ADCY2: variants seen among roughly 807,000 people sequenced by gnomAD.
ADCY2 encodes the protein adenylate cyclase 2, also known as adenylate cyclase type 2.
Under a neutral mutation model 125.2 loss-of-function variants are expected in ADCY2, and 31 were observed. That is an observed-to-expected ratio of 0.25 (90% CI 0.19 to 0.33). The LOEUF (loss-of-function observed/expected upper bound fraction) is 0.33, where lower values mean the gene tolerates loss of function less well. Ranked by LOEUF, ADCY2 falls within the 10% of genes least tolerant of loss-of-function variation. The pLI is 1.00. For synonymous variants in ADCY2, 512 were observed against 548.4 expected, an observed-to-expected ratio of 0.93 and a Z score of 0.93; for missense variants, 904 against 1,418.2, an observed-to-expected ratio of 0.64 and a Z score of 5.82.
intron 12 of ADCY2, among the ~76,000 whole-genome samples, chr5:7,723,340 A>G (rs1741824500): frequency 6.6e-6 from 1 of 152,214 alleles, no homozygotes; most frequent in Admixed American, 6.5e-5. Flanking sequence ...CAGTCAGTCT[A>G]GAATACATTA....
intron 4 of ADCY2, among the ~76,000 whole-genome samples, chr5:7,666,215 C>T (rs1187491117): frequency 6.6e-6 from 1 of 152,002 alleles, no homozygotes; most frequent in East Asian, 1.9e-4. Flanking sequence ...CCTCCGTATA[C>T]CACCGACATG....
intron 2 of ADCY2, among the ~76,000 whole-genome samples, chr5:7,446,976 C>A (rs1741285797): frequency 6.6e-6 from 1 of 152,086 alleles, no homozygotes; most frequent in Non-Finnish European, 1.5e-5. Flanking sequence ...AGACCCTGCC[C>A]TCTCATGTTA....
At chr5:7,792,072 A>G (rs1744264899) in intron 20 of ADCY2, among the ~76,000 whole-genome samples, 1 of 152,018 alleles carries the variant, frequency 6.6e-6, no homozygotes, top group Non-Finnish European at 1.5e-5. Flanking sequence ...AAGAGAGCAA[A>G]GGGAGATAAG....
intron 13 of ADCY2, 144 bp downstream of exon 13, chr5:7,724,758 T>C (rs1399620750): frequency 1.5e-6 from 1 of 648,284 alleles, no homozygotes; most frequent in African/African-American, 1.9e-5. Context: ...CTGGTGGTTC[T>C]TTCATGCATA....
intron 3 of ADCY2, among the ~76,000 whole-genome samples, chr5:7,535,991 A>C (rs10054513): frequency 0.27 from 40,949 of 152,204 alleles, 6,085 homozygotes; most frequent in East Asian, 0.41. Context: ...CATTTTCAAA[A>C]ATACTATAGG....
intron 1 of ADCY2, among the ~76,000 whole-genome samples, chr5:7,398,345 C>G (rs1043019596): frequency 6.6e-6 from 1 of 152,174 alleles, no homozygotes; most frequent in Admixed American, 6.5e-5. Context: ...CATTATTGGG[C>G]TTAAAGCACC....
At chr5:7,780,460 T>C (rs577595005) in intron 18 of ADCY2, among the ~76,000 whole-genome samples, 11 of 152,244 alleles carry the variant, frequency 7.2e-5, no homozygotes, top group South Asian at 6.2e-4. Context: ...GAAAGAAAGA[T>C]AAAAGAGAGA....
Position 7,712,884 on chromosome 5 carries a change from A to G in ADCY2, c.1607A>G (p.Gln536Arg). The G allele has an allele frequency of 6.2e-7, 1 of 1,609,308 alleles. No homozygotes were observed. The highest frequency in any genetic ancestry group is 8.5e-7 in the Non-Finnish European group (1 of 1,176,152). ...TDVPMGQHNF[Q>R]NRTLRTKSQK... Reference sequence around the variant, plus strand: ...GTACCCATGGGTCAGCATAATTTTCAAAATCGCACCTTAAGGTATGGTATC... The same window carrying G: ...GTACCCATGGGTCAGCATAATTTTCGAAATCGCACCTTAAGGTATGGTATC... Residue 536 changes from glutamine to arginine, a missense_variant, in exon 11 of 25, where the codon CAA becomes CGA. Around this residue, in one of 7 missense-constraint regions of ADCY2, gnomAD observed 144 missense variants for 227.7 expected, o/e 0.63. Transcript: ENST00000338316.
chr5:7,666,794 C>T (rs1242013259), intron 4 of ADCY2, among the ~76,000 whole-genome samples: 2 of 152,210 alleles, frequency 1.3e-5, no homozygotes, highest in African/African-American at 2.4e-5. Flanking sequence ...CCTGCTCCAT[C>T]CTCTCCCACT....
At chr5:7,758,578 G>A (rs1743091214) in intron 16 of ADCY2, among the ~76,000 whole-genome samples, 2 of 152,174 alleles carry the variant, frequency 1.3e-5, no homozygotes, top group Non-Finnish European at 2.9e-5. Context: ...TGTATATAAA[G>A]ATGTGTCTGG....
chr5:7,396,500 C>G lies in ADCY2; in HGVS notation c.204C>G (p.Leu68=), dbSNP rs780874496. 1.7e-5 allele frequency: 27 copies of G among 1,561,996 alleles called. No individual in the cohort carries two copies. The highest frequency in any genetic ancestry group is 9.1e-5 in the Admixed American group (5 of 54,876). ...CCCTGCTCGCCGTCTTCTTCGCGCT[C>G]GGGCTGGTGAGTGGCCTCCCCGCGG... ...CLALLAVFFA[L]GLEVEDHVAF... The change falls in exon 1 of 25, where the codon CTC becomes CTG. Residue 68 remains leucine (L), a synonymous_variant. Transcript: ENST00000338316. This position sits in a 1 kb window ranked among gnomAD's most constrained non-coding sequence, Gnocchi z 5.7.
chr5:7,810,526 C>A (rs569863141), intron 22 of ADCY2, among the ~76,000 whole-genome samples: 1 of 151,854 alleles, frequency 6.6e-6, no homozygotes, highest in East Asian at 2.0e-4. Flanking sequence ...GGTTATCTAC[C>A]TGGTTGGTGG....
intron 4 of ADCY2, among the ~76,000 whole-genome samples, chr5:7,652,266 C>T (rs1459351954): frequency 1.3e-5 from 2 of 152,124 alleles, no homozygotes; most frequent in African/African-American, 4.8e-5. Context: ...TTACCTTTCC[C>T]ATTAAGTAGT....
chr5:7,399,341 AT>A (rs1306541807), intron 1 of ADCY2, among the ~76,000 whole-genome samples: 5 of 152,170 alleles, frequency 3.3e-5, no homozygotes, highest in Non-Finnish European at 1.5e-5. Context: ...TTTTTGCTGT[AT>A]GTAATTGCCT....
chr5:7,402,086 A>G (rs182628496), intron 1 of ADCY2, among the ~76,000 whole-genome samples: 13 of 152,292 alleles, frequency 8.5e-5, no homozygotes, highest in African/African-American at 2.9e-4. Context: ...TGATCCCTTA[A>G]ATACTGGTGA....
intron 19 of ADCY2, among the ~76,000 whole-genome samples, chr5:7,787,420 A>G (rs1421122321): frequency 6.6e-6 from 1 of 152,252 alleles, no homozygotes; most frequent in Non-Finnish European, 1.5e-5. Context: ...ACTGAATCAC[A>G]TTCATAAAGA....
Position 7,662,017 on chromosome 5 carries a change from G to T in ADCY2, c.721-28674G>T, listed in dbSNP as rs115508467. 3.0e-3 allele frequency among the ~76,000 whole-genome samples: 456 copies of T among 152,208 alleles called. 4 individuals are homozygous for T. Among genetic ancestry groups the T allele is most frequent in the African/African-American group, 0.01 (431 of 41,526 alleles). On this transcript the variant is annotated intron_variant, in intron 4 of 24. Transcript: ENST00000338316. Reference sequence around the variant, plus strand: ...TTGAAAGCAAAGTCTCTTTTGCTGTGCAAGGTAACATATACACAGGTTCTT... The same window carrying T: ...TTGAAAGCAAAGTCTCTTTTGCTGTTCAAGGTAACATATACACAGGTTCTT...
intron 3 of ADCY2, among the ~76,000 whole-genome samples, chr5:7,606,652 A>G (rs930933698): frequency 6.6e-6 from 1 of 152,298 alleles, no homozygotes; most frequent in East Asian, 1.9e-4. Flanking sequence ...ACCAAATGCT[A>G]TCATACTCAG....
At chr5:7,498,429 T>A (rs1466931368) in intron 2 of ADCY2, among the ~76,000 whole-genome samples, 1 of 151,848 alleles carries the variant, frequency 6.6e-6, no homozygotes, top group Non-Finnish European at 1.5e-5. Context: ...TTTGTATTTT[T>A]AGTAGAGACG....
Sources: gnomAD v4.1 joint callset for allele counts (sites outside exome capture counted in the v4.1 genomes callset) on GRCh38, gnomAD v4.1.1 for gene constraint, gnomAD v4.1.1 regional missense constraint, Gnocchi (gnomAD v3.1) non-coding constraint, MANE v1.5 for transcripts, NCBI Gene and HGNC (gene_info 2026-07-23, HGNC 2026-07-21) for gene names.